SORCS3: variants seen among roughly 807,000 people sequenced by gnomAD.
SORCS3 encodes the protein VPS10 domain-containing receptor SorCS3.
Under a neutral mutation model 146.3 loss-of-function variants are expected in SORCS3, and 57 were observed. The observed-to-expected ratio is 0.39, with a 90% CI of 0.31 to 0.49. SORCS3 has a LOEUF of 0.49. Among genes scored for constraint, SORCS3 ranks in the 20% least tolerant of loss-of-function variants. The pLI is 0.92. For synonymous variants in SORCS3, 653 were observed against 618.5 expected (o/e 1.06, Z -0.83); for missense variants, 1,341 against 1,575.5 (o/e 0.85, Z 2.52).
chr10:104,773,389 T>C (rs1001154637), intron 1 of SORCS3, among the ~76,000 whole-genome samples: 1 of 152,218 alleles, frequency 6.6e-6, no homozygotes, highest in Non-Finnish European at 1.5e-5. Flanking sequence ...TTAGAGCTGA[T>C]TGATAAATTG....
At chr10:104,723,334 G>A (rs1350981499) in intron 1 of SORCS3, among the ~76,000 whole-genome samples, 5 of 152,202 alleles carry the variant, frequency 3.3e-5, no homozygotes, top group African/African-American at 1.2e-4. Flanking sequence ...TTGCACTGTG[G>A]TCTGAGAGAC....
At chr10:105,216,069 C>T (rs1255937108) in intron 18 of SORCS3, among the ~76,000 whole-genome samples, 2 of 151,778 alleles carry the variant, frequency 1.3e-5, no homozygotes, top group Non-Finnish European at 2.9e-5. Context: ...GATGCATTCA[C>T]CTGAATCATT....
At chr10:104,880,702 C>T (rs1348423402) in intron 2 of SORCS3, among the ~76,000 whole-genome samples, 2 of 152,168 alleles carry the variant, frequency 1.3e-5, no homozygotes, top group Non-Finnish European at 2.9e-5. Flanking sequence ...ATTTCAAGTA[C>T]ATTATCCAGC....
intron 1 of SORCS3, among the ~76,000 whole-genome samples, chr10:104,696,704 C>T (rs551095931): frequency 3.7e-4 from 22 of 58,970 alleles, no homozygotes; most frequent in African/African-American, 1.0e-3. Context: ...ATATTATATA[C>T]GTATATATAA....
chr10:105,255,644 C>T, intron 23 of SORCS3, 58 bp from the exon 24 acceptor site: 1 of 1,189,804 alleles, frequency 8.4e-7, no homozygotes, highest in African/African-American at 1.5e-5. Flanking sequence ...TTTCTTACCC[C>T]ATGAGGGAGC....
Position 105,214,466 on chromosome 10 carries a change from C to A in SORCS3, c.2400C>A (p.Asn800Lys), listed in dbSNP as rs200098588. ...GGTATCGGCGGATTGTGTCCAACAACTGCACAGATGGGCTAAGGGAGAAGT... is the reference window on the plus strand; with the variant it reads ...GGTATCGGCGGATTGTGTCCAACAAATGCACAGATGGGCTAAGGGAGAAGT... ...STGYRRIVSN[N>K]CTDGLREKYT... The change falls in exon 18 of 27, where the codon AAC (asparagine) becomes AAA (lysine). Residue 800 changes from asparagine (N) to lysine (K), a missense_variant. Asn to Lys is a moderately conservative substitution (Grantham distance 94). Coordinates refer to ENST00000369701, the MANE Select transcript of SORCS3 (RefSeq NM_014978.3). 342 of 1,614,174 alleles carry A rather than the reference C, an allele frequency of 2.1e-4. 1 individual carries two copies. The African/African-American group carries it at 4.0e-3, about 19-fold the overall frequency.
intron 1 of SORCS3, among the ~76,000 whole-genome samples, chr10:104,725,127 A>G (rs919135158): frequency 1.3e-5 from 2 of 151,842 alleles, no homozygotes; most frequent in Admixed American, 6.6e-5. Context: ...TTGGTGTTTG[A>G]TGATGGTGAT....
At chr10:104,774,079 G>A (rs1342397765) in intron 1 of SORCS3, among the ~76,000 whole-genome samples, 1 of 152,160 alleles carries the variant, frequency 6.6e-6, no homozygotes, top group Non-Finnish European at 1.5e-5. Context: ...TCTCTGTTGT[G>A]TTTAATTTCA....
chr10:105,113,731 G>C (rs1186251944), intron 7 of SORCS3, among the ~76,000 whole-genome samples: 1 of 152,176 alleles, frequency 6.6e-6, no homozygotes, highest in Non-Finnish European at 1.5e-5. Flanking sequence ...GACAAGCTGA[G>C]CTGGAGATAT....
At chr10:105,203,936 C>T (rs2056587787) in intron 16 of SORCS3, among the ~76,000 whole-genome samples, 1 of 152,154 alleles carries the variant, frequency 6.6e-6, no homozygotes, top group Admixed American at 6.5e-5. Context: ...AAAGCTTATA[C>T]ATCCAAATAA....
chr10:104,792,423 T>C (rs528077363), intron 1 of SORCS3, among the ~76,000 whole-genome samples: 1 of 152,340 alleles, frequency 6.6e-6, no homozygotes, highest in South Asian at 2.1e-4. Flanking sequence ...TGGTCCCTCT[T>C]TGAGGCCGTA....
rs369764415 is a variant in SORCS3 at position 104,669,795 on chromosome 10, C to T, written c.627+27841C>T. Among the ~76,000 whole-genome samples, 107 of 152,022 alleles carry T rather than the reference C, an allele frequency of 7.0e-4. 2 individuals carry two copies. In the South Asian group the frequency reaches 0.018, roughly 25 times the overall value. On this transcript the variant is annotated intron_variant, in intron 1 of 26. Coordinates refer to ENST00000369701, the MANE Select transcript of SORCS3 (RefSeq NM_014978.3). ...ATTGCTATATTATATTGTAGTTCTA[C>T]GTTTAGTTTTTTGAGGAACCATCAC...
Position 104,914,380 on chromosome 10 carries a change from G to A in SORCS3, c.696-1453G>A, listed in dbSNP as rs1333007239. Reference sequence around the variant, plus strand: ...GTTCTGGTGCAGAAAAGAGAGGAGCGGTGATTGGGAGGAGGGCTAGAGAAG... The same window carrying A: ...GTTCTGGTGCAGAAAAGAGAGGAGCAGTGATTGGGAGGAGGGCTAGAGAAG... On this transcript the variant is annotated intron_variant, in intron 2 of 26. Transcript: ENST00000369701. Among the ~76,000 whole-genome samples, 6 of 152,120 alleles carry A rather than the reference G, an allele frequency of 3.9e-5. No individual in the cohort carries two copies. The South Asian group carries it at 1.0e-3, about 26-fold the overall frequency.
intron 7 of SORCS3, among the ~76,000 whole-genome samples, chr10:105,129,419 G>C (rs1377012): frequency 0.49 from 71,863 of 146,922 alleles, 18,040 homozygotes; most frequent in Admixed American, 0.55. Flanking sequence ...CAGAGAGGGG[G>C]CAATGTTTTG....
intron 1 of SORCS3, among the ~76,000 whole-genome samples, chr10:104,764,874 A>G (rs1469567076): frequency 6.6e-6 from 1 of 152,200 alleles, no homozygotes; most frequent in East Asian, 1.9e-4. Context: ...TGAAGAAATG[A>G]CAAATAGGTT....
intron 14 of SORCS3, among the ~76,000 whole-genome samples, chr10:105,189,745 T>C (rs2056504626): frequency 1.3e-5 from 2 of 152,106 alleles, no homozygotes; most frequent in South Asian, 4.1e-4. Context: ...CAGGCCTTAG[T>C]TTCCCCAGCT....
chr10:104,827,202 A>G (rs1318108537), intron 1 of SORCS3, among the ~76,000 whole-genome samples: 1 of 152,212 alleles, frequency 6.6e-6, no homozygotes, highest in African/African-American at 2.4e-5. Context: ...TTCATGACAT[A>G]TGGAATAGTG....
In SORCS3 at chr10:105,256,871, A is replaced by G. The variant is rs758227689; in HGVS notation, c.3390A>G (p.Leu1130=). 7.4e-6 allele frequency: 12 copies of G among 1,614,014 alleles called. No individual in the cohort carries two copies. The highest frequency in any genetic ancestry group is 1.7e-5 in the Admixed American group (1 of 59,994). ...AGHSSSAMLM[L]LSVVFVGLAV... is the part of the protein sequence containing the mutation. The stretch of plus-strand genomic sequence containing the variant: ...ACAGCAGCTCAGCCATGCTTATGCT[A>G]TTATCAGTGGTATTTGTTGGCCTGG... The change falls in exon 25 of 27, where the codon CTA becomes CTG. Residue 1130 remains leucine, a synonymous_variant. Transcript: ENST00000369701.
chr10:105,019,395 C>T (rs1269676214), intron 4 of SORCS3, among the ~76,000 whole-genome samples: 1 of 152,170 alleles, frequency 6.6e-6, no homozygotes, highest in Non-Finnish European at 1.5e-5. Flanking sequence ...CTAGATCCCA[C>T]CTAGCATTTC....
Sources: allele counts gnomAD v4.1 joint callset (sites outside exome capture counted in the v4.1 genomes callset), GRCh38; gene constraint gnomAD v4.1.1; transcripts MANE v1.5; gene names NCBI Gene and HGNC (gene_info 2026-07-23, HGNC 2026-07-21).